TSPEAR: variants seen among roughly 807,000 people sequenced by gnomAD.
The protein encoded by TSPEAR is thrombospondin-type laminin G domain and EAR repeat-containing protein.
TSPEAR carries 69 observed loss-of-function variants against 71.6 expected under a neutral mutation model. The observed-to-expected ratio is 0.96, with a 90% CI of 0.79 to 1.18. The LOEUF (loss-of-function observed/expected upper bound fraction) is 1.18. Among genes scored for constraint, TSPEAR ranks in the 50% most tolerant of loss-of-function variants. The pLI, the probability that TSPEAR is intolerant of heterozygous loss-of-function variation, is 0.00. For missense variants in TSPEAR, 971 were observed against 894.9 expected (o/e 1.09, Z -1.09); for synonymous variants, 402 against 387.2 (o/e 1.04, Z -0.45).
rs1569224951 is a variant in TSPEAR at position 44,623,017 on chromosome 21, TC to T, written c.83-55013del. 6.6e-6 allele frequency among the ~76,000 whole-genome samples: 1 copy of T among 152,012 alleles called. No individual in the cohort carries two copies. The highest frequency in any genetic ancestry group is 2.4e-5 in the African/African-American group (1 of 41,374). ...CTCTTTTGCCATGTGACATGCCCACTCCCCCTTCACCTTCCACCATGAGCAA... is the reference window on the plus strand; with the variant it reads ...CTCTTTTGCCATGTGACATGCCCACTCCCCTTCACCTTCCACCATGAGCAA... On this transcript the variant is annotated intron_variant, in intron 1 of 11. Transcript: ENST00000323084. This position sits in a 1 kb window ranked among gnomAD's most constrained non-coding sequence, Gnocchi z 4.5.
intron 1 of TSPEAR, among the ~76,000 whole-genome samples, chr21:44,672,318 C>T (rs1272531864): frequency 6.6e-6 from 1 of 152,216 alleles, no homozygotes; most frequent in East Asian, 1.9e-4. Context: ...CGCCTGTAAT[C>T]CCAGCACTTT....
chr21:44,633,161 C>CA (rs1335996375), intron 1 of TSPEAR, among the ~76,000 whole-genome samples: 1 of 152,048 alleles, frequency 6.6e-6, no homozygotes, highest in African/African-American at 2.4e-5. Context: ...TTGTTGCTTT[C>CA]AAAAAACTAA....
intron 1 of TSPEAR, chr21:44,647,350 T>G: frequency 6.2e-7 from 1 of 1,613,478 alleles, no homozygotes; most frequent in Non-Finnish European, 8.5e-7. Flanking sequence ...GAAGTCCAGC[T>G]GCTGAGTGCT....
At chr21:44,512,315 A>G (rs2052410610) in intron 9 of TSPEAR, among the ~76,000 whole-genome samples, 1 of 130,234 alleles carries the variant, frequency 7.7e-6, no homozygotes, top group Admixed American at 7.8e-5. Context: ...AGGTGTCAGG[A>G]GAGAGGTGAG....
Position 44,531,108 on chromosome 21 carries a change from T to A in TSPEAR, c.568A>T (p.Thr190Ser). Residue 190 changes from threonine (T) to serine (S), a missense_variant, in exon 4 of 12, where the codon ACC becomes TCC. Transcript: ENST00000323084. ...AATCGAGCTCCTTTCACTGACAGGG[T>A]GGCTGGGAAGGGCACATCGGCCATT... ...DIMADVPFPA[T>S]LSVKGARFFV... 1 of 1,613,688 alleles carries A rather than the reference T, an allele frequency of 6.2e-7. No homozygotes were observed. The highest frequency in any genetic ancestry group is 2.2e-5 in the East Asian group (1 of 44,864).
intron 1 of TSPEAR, among the ~76,000 whole-genome samples, chr21:44,641,011 T>G (rs1983990991): frequency 6.6e-6 from 1 of 152,188 alleles, no homozygotes. Context: ...CAAGATGAAC[T>G]GGAGCCCCCA....
chr21:44,524,118 G>GTT, intron 8 of TSPEAR, among the ~76,000 whole-genome samples: 1 of 150,752 alleles, frequency 6.6e-6, no homozygotes, highest in Non-Finnish European at 1.5e-5. Context: ...TAGTCAGTCA[G>GTT]ATAGTCAGTC....
intron 1 of TSPEAR, among the ~76,000 whole-genome samples, chr21:44,667,231 ATT>A (rs1166902670): frequency 3.3e-5 from 5 of 151,970 alleles, no homozygotes; most frequent in African/African-American, 1.2e-4. Context: ...AGATCTCCAG[ATT>A]TTTTTCCTCT....
intron 5 of TSPEAR, 146 bp from the exon 6 acceptor site, chr21:44,528,729 G>A: frequency 1.9e-6 from 2 of 1,062,932 alleles, no homozygotes; most frequent in Non-Finnish European, 2.7e-6. Context: ...CTTGGCACAA[G>A]CCTGCCACAT....
chr21:44,558,206 G>A (rs782322797), intron 2 of TSPEAR: 3 of 1,562,072 alleles, frequency 1.9e-6, no homozygotes, highest in Non-Finnish European at 2.6e-6. Flanking sequence ...TGGGCACACA[G>A]CAGGTGGACC....
chr21:44,539,395 A>G (rs778135502), intron 2 of TSPEAR: 7 of 1,601,498 alleles, frequency 4.4e-6, no homozygotes, highest in Middle Eastern at 1.7e-4. Flanking sequence ...AGGCAGGGGC[A>G]CAGCAGGAGG....
chr21:44,610,842 G>A (rs1668088200), intron 1 of TSPEAR, among the ~76,000 whole-genome samples: 3 of 152,236 alleles, frequency 2.0e-5, no homozygotes, highest in Non-Finnish European at 4.4e-5. Context: ...GCATCATTAT[G>A]ACCTGGATGT....
intron 1 of TSPEAR, chr21:44,702,864 C>G: frequency 1.2e-6 from 1 of 806,566 alleles, no homozygotes; most frequent in South Asian, 1.6e-5. Context: ...CTGCTGACCT[C>G]TCAGCACACG....
At chr21:44,550,600 C>T (rs233237) in intron 2 of TSPEAR, 324,733 of 1,503,304 alleles carry the variant, frequency 0.22, 35,181 homozygotes, top group East Asian at 0.4. Context: ...TCCTTCTGTG[C>T]TGAGCTGTGC....
rs906541881 is a variant in TSPEAR, at chr21:44,653,789, T to C, written c.82+57644A>G. On this transcript the variant is annotated intron_variant, in intron 1 of 11. Coordinates refer to ENST00000323084, the MANE Select transcript of TSPEAR (RefSeq NM_144991.3). ...CGAAGGAAGCCTGATGTGACTGGGG[T>C]TGGGGGTTCCCATCAGGCCAAGCTC... is the stretch of plus-strand genomic sequence containing the variant. Among the ~76,000 whole-genome samples the C allele has an allele frequency of 3.9e-5, 6 of 152,058 alleles. No individual in the cohort carries two copies. In the South Asian group the frequency reaches 1.2e-3, roughly 31 times the overall value.
intron 1 of TSPEAR, chr21:44,676,918 GC>G: frequency 1.1e-6 from 1 of 889,094 alleles, no homozygotes; most frequent in Non-Finnish European, 1.9e-6. Flanking sequence ...GTGACGATGT[GC>G]ACGGGCAATC....
intron 1 of TSPEAR, chr21:44,666,291 A>T: frequency 1.0e-6 from 1 of 975,472 alleles, no homozygotes; most frequent in Non-Finnish European, 1.5e-6. Context: ...AGGGCTCCAG[A>T]TCATTCTGTC....
intron 1 of TSPEAR, among the ~76,000 whole-genome samples, chr21:44,575,621 G>A (rs936402809): frequency 1.3e-4 from 20 of 152,188 alleles, no homozygotes; most frequent in Non-Finnish European, 2.6e-4. Context: ...TTGCTGATTT[G>A]CTTTTTAAAT....
At position 44,539,742 on chromosome 21, in the gene TSPEAR, T is replaced by A. The variant is rs146646298; in HGVS notation, c.304-5819A>T. ...ACAGGCACACAGCAGGACTGCTGGC[T>A]GGAGGAAGAGGCACAGCAAGTTGGC... On this transcript the variant is annotated intron_variant, in intron 2 of 11. Coordinates refer to ENST00000323084, the MANE Select transcript of TSPEAR (RefSeq NM_144991.3). The A allele has an allele frequency of 1.2e-3, 1,866 of 1,601,076 alleles. 15 individuals carry two copies. In the African/African-American group the frequency reaches 0.023, roughly 19 times the overall value.
Sources: gnomAD v4.1 joint callset for allele counts (sites outside exome capture counted in the v4.1 genomes callset) on GRCh38, gnomAD v4.1.1 for gene constraint, Gnocchi (gnomAD v3.1) non-coding constraint, MANE v1.5 for transcripts, NCBI Gene and HGNC (gene_info 2026-07-23, HGNC 2026-07-21) for gene names.